The following SCUBE1 variants were observed in gnomAD, a reference collection of about 807,000 sequenced individuals.
SCUBE1 encodes the protein signal peptide, CUB domain and EGF like domain containing 1.
In SCUBE1, 59 loss-of-function variants were observed where a neutral mutation model predicts 124.4. The observed-to-expected ratio is 0.47, with a 90% CI of 0.38 to 0.59. SCUBE1 has a LOEUF of 0.59. Among genes scored for constraint, SCUBE1 ranks in the 20% least tolerant of loss-of-function variants. The pLI is 0.00. For synonymous variants in SCUBE1, 545 were observed against 550.9 expected (o/e 0.99, Z 0.15); for missense variants, 1,150 against 1,371.2 (o/e 0.84, Z 2.55).
chr22:43,221,800 A>G (rs1378773509), intron 12 of SCUBE1, among the ~76,000 whole-genome samples: 2 of 152,206 alleles, frequency 1.3e-5, no homozygotes, highest in Non-Finnish European at 2.9e-5. Flanking sequence ...GCGGTGGCTC[A>G]CGCCTGTAAT....
At chr22:43,259,405 A>G (rs957872156) in intron 5 of SCUBE1, among the ~76,000 whole-genome samples, 3 of 152,230 alleles carry the variant, frequency 2.0e-5, no homozygotes, top group Admixed American at 6.5e-5. Context: ...TAAATCTCAG[A>G]CCAACTATGG....
intron 4 of SCUBE1, among the ~76,000 whole-genome samples, chr22:43,281,456 C>CCCT (rs1555886003): frequency 1.7e-5 from 1 of 57,258 alleles, no homozygotes; most frequent in African/African-American, 1.5e-4. Flanking sequence ...CCTGTCATCT[C>CCCT]CCTCAGCCAC....
chr22:43,206,896 C>A (rs950302095), intron 21 of SCUBE1, among the ~76,000 whole-genome samples: 2 of 152,188 alleles, frequency 1.3e-5, no homozygotes, highest in Non-Finnish European at 2.9e-5. Flanking sequence ...ACGTGACTGG[C>A]AGACTATGGG....
intron 6 of SCUBE1, among the ~76,000 whole-genome samples, chr22:43,240,941 G>T (rs915962030): frequency 6.6e-6 from 1 of 152,210 alleles, no homozygotes; most frequent in South Asian, 2.1e-4. Context: ...GAGAGATGGG[G>T]GAACATGGCA....
rs1921547653 is a variant in SCUBE1 at position 43,211,434 on chromosome 22, C to T, written c.2222-351G>A. On this transcript the variant is annotated intron_variant, in intron 17 of 21. Coordinates refer to ENST00000360835, the MANE Select transcript of SCUBE1 (RefSeq NM_173050.5). This position sits in a 1 kb window ranked among gnomAD's most constrained non-coding sequence, Gnocchi z 4.5. Reference sequence around the variant, plus strand: ...GGAAGTGGAGCCAGCTAGGCCAAACCCTCTTTCTACAAGGTTGCTGGGGCA... The same window carrying T: ...GGAAGTGGAGCCAGCTAGGCCAAACTCTCTTTCTACAAGGTTGCTGGGGCA... Among the ~76,000 whole-genome samples the T allele has an allele frequency of 6.6e-6, 1 of 151,930 alleles. No homozygotes were observed. Among genetic ancestry groups the T allele is most frequent in the African/African-American group, 2.4e-5 (1 of 41,340 alleles).
Position 43,258,271 on chromosome 22 carries a change from C to T in SCUBE1, c.675G>A (p.Thr225=), listed in dbSNP as rs768965607. ...GGGCGTACTTCTGGTGGCAACCACACGTGGGGCCTGTGTCTGTGTCCTCAC... is the reference window on the plus strand; with the variant it reads ...GGGCGTACTTCTGGTGGCAACCACATGTGGGGCCTGTGTCTGTGTCCTCAC... ...HSCEDTDTGP[T]CGCHQKYALH... is the part of the protein sequence containing the mutation. The change falls in exon 6 of 22, where the codon ACG becomes ACA. Residue 225 remains threonine (T), a synonymous_variant. Transcript: ENST00000360835. This position sits in a 1 kb window ranked among gnomAD's most constrained non-coding sequence, Gnocchi z 5.0. The T allele has an allele frequency of 6.8e-6, 11 of 1,614,148 alleles. No individual in the cohort carries two copies. In the Admixed American group the frequency reaches 8.3e-5, roughly 12 times the overall value.
chr22:43,299,481 C>T (rs896757733), intron 3 of SCUBE1, among the ~76,000 whole-genome samples: 1 of 152,186 alleles, frequency 6.6e-6, no homozygotes, highest in African/African-American at 2.4e-5. Flanking sequence ...CCACCCAGGT[C>T]GCCCTTCTCT....
chr22:43,340,252 T>A (rs1927265625), intron 1 of SCUBE1, among the ~76,000 whole-genome samples: 1 of 151,980 alleles, frequency 6.6e-6, no homozygotes, highest in South Asian at 2.1e-4. Flanking sequence ...TGGTTCTGAC[T>A]CCCCACATGG....
rs368610843 is a variant in SCUBE1 at position 43,221,170 on chromosome 22, C to T, written c.1549+3G>A. Reference sequence around the variant, plus strand: ...TGGGTTAGGAGCAGGGCGTCCCACTCACCCAGCAGCGGCTGCCTGGCGGTC... The same window carrying T: ...TGGGTTAGGAGCAGGGCGTCCCACTTACCCAGCAGCGGCTGCCTGGCGGTC... On this transcript the variant is annotated splice_donor_region_variant and intron_variant, in intron 13 of 21. Transcript: ENST00000360835. The T allele has an allele frequency of 1.2e-6, 2 of 1,606,146 alleles. No individual in the cohort carries two copies. The highest frequency in any genetic ancestry group is 1.7e-6 in the Non-Finnish European group (2 of 1,177,648).
chr22:43,323,694 C>T (rs1160089766), intron 2 of SCUBE1, among the ~76,000 whole-genome samples: 1 of 152,144 alleles, frequency 6.6e-6, no homozygotes, highest in Non-Finnish European at 1.5e-5. Flanking sequence ...TCTATCCAAA[C>T]ACATGTACAC....
At chr22:43,231,253 G>A (rs1455717754) in intron 8 of SCUBE1, among the ~76,000 whole-genome samples, 3 of 152,088 alleles carry the variant, frequency 2.0e-5, no homozygotes, top group Non-Finnish European at 2.9e-5. Flanking sequence ...CCCTGACCCC[G>A]CTCTGCACTG....
Position 43,291,034 on chromosome 22 carries a change from G to C in SCUBE1, c.484+12C>G. On this transcript the variant is annotated intron_variant, in intron 4 of 21. Coordinates refer to ENST00000360835, the MANE Select transcript of SCUBE1 (RefSeq NM_173050.5). Reference sequence around the variant, plus strand: ...GGGGGGGACATGCCTGGTCAGCATAGGCTGTACTCACCATTGGAGCGGTGG... The same window carrying C: ...GGGGGGGACATGCCTGGTCAGCATACGCTGTACTCACCATTGGAGCGGTGG... 6.3e-7 allele frequency: 1 copy of C among 1,596,680 alleles called. No individual in the cohort carries two copies. The highest frequency in any genetic ancestry group is 8.6e-7 in the Non-Finnish European group (1 of 1,168,754).
At chr22:43,278,061 G>A (rs1013328382) in intron 4 of SCUBE1, among the ~76,000 whole-genome samples, 2 of 152,244 alleles carry the variant, frequency 1.3e-5, no homozygotes, top group African/African-American at 4.8e-5. Flanking sequence ...GCCAGGAGAG[G>A]GGCGTGAAGC....
At chr22:43,239,514 CA>C (rs1277159076) in intron 6 of SCUBE1, among the ~76,000 whole-genome samples, 1 of 152,280 alleles carries the variant, frequency 6.6e-6, no homozygotes, top group Admixed American at 6.5e-5. Context: ...AGTGATATGC[CA>C]AAGGCATCTG....
chr22:43,243,016 A>G (rs1345801576), intron 6 of SCUBE1, among the ~76,000 whole-genome samples: 1 of 152,264 alleles, frequency 6.6e-6, no homozygotes, highest in Non-Finnish European at 1.5e-5. Context: ...TGCCTTGTTC[A>G]AAAATTGCTA....
chr22:43,300,530 C>T (rs940087801), intron 3 of SCUBE1, among the ~76,000 whole-genome samples: 3 of 152,074 alleles, frequency 2.0e-5, no homozygotes, highest in Admixed American at 6.5e-5. Flanking sequence ...GTGGGCGTGG[C>T]GTCTCCATCT....
intron 4 of SCUBE1, among the ~76,000 whole-genome samples, chr22:43,278,447 T>C (rs1471739411): frequency 6.6e-6 from 1 of 152,116 alleles, no homozygotes. Flanking sequence ...TCACAGTTGA[T>C]AATGGAAAGC....
At chr22:43,295,807 C>A (rs1925535164) in intron 3 of SCUBE1, among the ~76,000 whole-genome samples, 1 of 152,376 alleles carries the variant, frequency 6.6e-6, no homozygotes, top group African/African-American at 2.4e-5. Context: ...CTGTGCCACA[C>A]TACCCCTGAG....
At chr22:43,285,427 T>C (rs576101916) in intron 4 of SCUBE1, among the ~76,000 whole-genome samples, 94 of 152,250 alleles carry the variant, frequency 6.2e-4, no homozygotes, top group Non-Finnish European at 1.2e-3. Flanking sequence ...GACTCAGAGA[T>C]GTGGGGAACA....
Sources: gnomAD v4.1 joint callset for allele counts (sites outside exome capture counted in the v4.1 genomes callset) on GRCh38, gnomAD v4.1.1 for gene constraint, Gnocchi (gnomAD v3.1) non-coding constraint, MANE v1.5 for transcripts, NCBI Gene and HGNC (gene_info 2026-07-23, HGNC 2026-07-21) for gene names.